Variants in PPP1R16B observed in about 807,000 individuals in gnomAD.
The protein encoded by PPP1R16B is protein phosphatase 1 regulatory inhibitor subunit 16B.
In PPP1R16B, 14 loss-of-function variants were observed where a neutral mutation model predicts 61.7. The observed-to-expected ratio is 0.23, with a 90% CI of 0.15 to 0.35. The LOEUF (loss-of-function observed/expected upper bound fraction) is 0.35, where lower values mean the gene tolerates loss of function less well. Ranked by LOEUF, PPP1R16B falls within the 10% of genes least tolerant of loss-of-function variation. The probability of loss-of-function intolerance (pLI) is 1.00; values close to 1 mark genes in which losing one functional copy is unlikely to be tolerated. For missense variants in PPP1R16B, 547 were observed against 752.5 expected (o/e 0.73, Z 3.19); for synonymous variants, 266 against 305.3 (o/e 0.87, Z 1.34).
At chr20:38,914,355 A>C (rs2085515941) in intron 10 of PPP1R16B, among the ~76,000 whole-genome samples, 1 of 152,142 alleles carries the variant, frequency 6.6e-6, no homozygotes, top group Non-Finnish European at 1.5e-5. Context: ...GATTCTGTGC[A>C]GTCAGCCATT....
In PPP1R16B at chr20:38,922,839, G is replaced by A. The variant is rs1406974729; in HGVS notation, c.*4173G>A. 1.3e-5 allele frequency: 2 copies of A among 152,352 alleles called. No homozygotes were observed. The highest frequency in any genetic ancestry group is 6.5e-5 in the Admixed American group (1 of 15,268). The allele number at this position is 152,352 out of a possible 1,614,324, so 9.4% of individuals were successfully genotyped here. A position where few individuals can be genotyped will look rare whatever the true frequency, so the allele number is the denominator to read the frequency against. ...AAAATCTTCGCAGATCTTTGATATC[G>A]TACTGAGGTAACTTCCACGTAGCCC... On this transcript the variant is annotated 3_prime_UTR_variant, in exon 11 of 11. Coordinates refer to ENST00000299824, the MANE Select transcript of PPP1R16B (RefSeq NM_015568.4).
At position 38,873,747 on chromosome 20, in the gene PPP1R16B, T is replaced by TTTG. The variant is rs1555805667; in HGVS notation, c.251-15846_251-15845insGTT. On this transcript the variant is annotated intron_variant, in intron 2 of 10. Transcript: ENST00000299824. ...AAGCTGAAACATCTTTTTTTTGTTT[T>TTTG]TTTTTTTTTGAGATGGAGTCTCACT... is the stretch of plus-strand genomic sequence containing the variant. 3.0e-4 allele frequency among the ~76,000 whole-genome samples: 45 copies of TTTG among 150,676 alleles called. 1 individual carries two copies. The highest frequency in any genetic ancestry group is 4.3e-4 in the Non-Finnish European group (29 of 67,488).
rs765563193 is a variant in PPP1R16B, at chr20:38,806,797, G to A, written c.-102+1005G>A. Among the ~76,000 whole-genome samples the A allele has an allele frequency of 2.5e-4, 38 of 152,148 alleles. No individual in the cohort carries two copies. The highest frequency in any genetic ancestry group is 5.2e-4 in the Admixed American group (8 of 15,284). ...CCTTGGAGGATAATTGAGCCTGGGA[G>A]AGCTTTGAATCTGGCCCTCCTGAGA... On this transcript the variant is annotated intron_variant, in intron 1 of 10. Transcript: ENST00000299824. This position sits in a 1 kb window ranked among gnomAD's most constrained non-coding sequence, Gnocchi z 4.5.
intron 2 of PPP1R16B, among the ~76,000 whole-genome samples, chr20:38,837,880 T>C (rs750905839): frequency 1.3e-5 from 2 of 152,190 alleles, no homozygotes; most frequent in Non-Finnish European, 2.9e-5. Flanking sequence ...ACCTTGTACT[T>C]GCCATGTTTA....
chr20:38,858,507 G>T (rs4810237), intron 2 of PPP1R16B, among the ~76,000 whole-genome samples: 106,541 of 152,054 alleles, frequency 0.7, 38,034 homozygotes, highest in African/African-American at 0.82. Context: ...CCCTAGTCTT[G>T]GAAAACTTCC....
At chr20:38,825,759 A>C (rs2084801896) in intron 1 of PPP1R16B, among the ~76,000 whole-genome samples, 3 of 152,212 alleles carry the variant, frequency 2.0e-5, no homozygotes. Flanking sequence ...TTGGCCTCCC[A>C]AAGTGCTGGG....
At chr20:38,819,402 A>T (rs562263305) in intron 1 of PPP1R16B, among the ~76,000 whole-genome samples, 17 of 152,264 alleles carry the variant, frequency 1.1e-4, no homozygotes, top group Non-Finnish European at 1.9e-4. Context: ...CTGGCTGCTT[A>T]GGGAGGCTGA....
chr20:38,861,830 C>T (rs1157600288), intron 2 of PPP1R16B, among the ~76,000 whole-genome samples: 1 of 152,114 alleles, frequency 6.6e-6, no homozygotes, highest in Non-Finnish European at 1.5e-5. Context: ...GAGCCTGCCA[C>T]CGTGCCCGGC....
chr20:38,911,216 G>T (rs2085486873), intron 10 of PPP1R16B, among the ~76,000 whole-genome samples: 1 of 147,448 alleles, frequency 6.8e-6, no homozygotes, highest in African/African-American at 2.5e-5. Context: ...CCCCAGGCTG[G>T]AGTGCATTGG....
chr20:38,903,613 C>G (rs1428992664), intron 6 of PPP1R16B, among the ~76,000 whole-genome samples: 1 of 151,990 alleles, frequency 6.6e-6, no homozygotes, highest in Non-Finnish European at 1.5e-5. Context: ...ATCCATCCAT[C>G]CATCATTCCA....
intron 2 of PPP1R16B, among the ~76,000 whole-genome samples, chr20:38,877,957 T>G (rs953489663): frequency 4.0e-5 from 4 of 100,108 alleles, no homozygotes; most frequent in South Asian, 2.8e-4. Context: ...CAGTTGTTTT[T>G]TTTTTTTTTT....
intron 2 of PPP1R16B, among the ~76,000 whole-genome samples, chr20:38,848,380 G>A (rs1210232731): frequency 6.6e-6 from 1 of 152,124 alleles, no homozygotes; most frequent in African/African-American, 2.4e-5. Context: ...ACAAGTTTGT[G>A]AGGCCACCCT....
intron 2 of PPP1R16B, among the ~76,000 whole-genome samples, chr20:38,853,835 C>T (rs1173961890): frequency 1.3e-5 from 2 of 152,176 alleles, no homozygotes; most frequent in African/African-American, 4.8e-5. Flanking sequence ...CTCTCTCTGC[C>T]TGTGGTCCTT....
At chr20:38,882,956 CCAGTGAGGGATT>C (rs1401414462) in intron 2 of PPP1R16B, among the ~76,000 whole-genome samples, 1 of 152,162 alleles carries the variant, frequency 6.6e-6, no homozygotes, top group African/African-American at 2.4e-5. Context: ...TGTGGCTGAA[CCAGTGAGGGATT>C]CAGGGAGGGA....
chr20:38,876,703 A>G (rs921271714), intron 2 of PPP1R16B, among the ~76,000 whole-genome samples: 1 of 152,218 alleles, frequency 6.6e-6, no homozygotes, highest in Non-Finnish European at 1.5e-5. Context: ...CAGCTTTAGC[A>G]CTTCCTTCAT....
At chr20:38,826,475 C>T (rs1030006498) in intron 1 of PPP1R16B, among the ~76,000 whole-genome samples, 3 of 152,202 alleles carry the variant, frequency 2.0e-5, no homozygotes, top group Non-Finnish European at 4.4e-5. Flanking sequence ...GGTTCAAGTT[C>T]TTGCAGGGGA....
At chr20:38,825,526 C>G (rs1036830755) in intron 1 of PPP1R16B, among the ~76,000 whole-genome samples, 1 of 152,134 alleles carries the variant, frequency 6.6e-6, no homozygotes, top group Non-Finnish European at 1.5e-5. Context: ...GACTGCCCTC[C>G]TCTGCTTGAG....
intron 5 of PPP1R16B, 35 bp downstream of exon 5, chr20:38,900,719 G>T (rs1441171368): frequency 6.8e-7 from 1 of 1,476,592 alleles, no homozygotes; most frequent in Non-Finnish European, 9.1e-7. Context: ...AGTGAGCACA[G>T]CACAGAGTTG....
chr20:38,922,900 A>G lies in PPP1R16B; in HGVS notation c.*4234A>G, dbSNP rs1328885071. 6.6e-6 allele frequency: 1 copy of G among 152,364 alleles called. No individual in the cohort carries two copies. Among genetic ancestry groups the G allele is most frequent in the Non-Finnish European group, 1.5e-5 (1 of 68,038 alleles). 9.4% of individuals were successfully genotyped at this position (152,364 alleles called of 1,614,324 possible). ...GGCACCGGTGGGCCTTGGGTCCAAAACTGTGGCTCAGCCACATCCCAAAGG... is the reference window on the plus strand; with the variant it reads ...GGCACCGGTGGGCCTTGGGTCCAAAGCTGTGGCTCAGCCACATCCCAAAGG... On this transcript the variant is annotated 3_prime_UTR_variant, in exon 11 of 11. Coordinates refer to ENST00000299824, the MANE Select transcript of PPP1R16B (RefSeq NM_015568.4).
Sources: gnomAD v4.1 joint callset for allele counts (sites outside exome capture counted in the v4.1 genomes callset) on GRCh38, gnomAD v4.1.1 for gene constraint, Gnocchi (gnomAD v3.1) non-coding constraint, MANE v1.5 for transcripts, NCBI Gene and HGNC (gene_info 2026-07-23, HGNC 2026-07-21) for gene names.